ZNF146: variants seen among roughly 807,000 people sequenced by gnomAD.
ZNF146 encodes the protein zinc finger protein 146.
ZNF146 carries 9 observed loss-of-function variants against 22.2 expected under a neutral mutation model. The ratio of observed to expected loss-of-function variants is 0.41; its 90% confidence interval spans 0.24 to 0.71. The LOEUF is 0.71. Among genes scored for constraint, ZNF146 ranks in the 30% least tolerant of loss-of-function variants. The pLI is 0.34. For synonymous variants in ZNF146, 108 were observed against 119.2 expected (o/e 0.91, Z 0.61); for missense variants, 194 against 344.8 (o/e 0.56, Z 3.46).
At chr19:36,227,923 G>C (rs1022370299) in intron 2 of ZNF146, among the ~76,000 whole-genome samples, 2 of 152,172 alleles carry the variant, frequency 1.3e-5, no homozygotes, top group African/African-American at 4.8e-5. Context: ...CACTTTGGGA[G>C]GCTGAGGTGG....
intron 2 of ZNF146, among the ~76,000 whole-genome samples, chr19:36,221,284 CTTTTTTTTTTT>C (rs74172797): frequency 1.0e-5 from 1 of 98,700 alleles, no homozygotes; most frequent in Non-Finnish European, 1.9e-5. Context: ...TAAGGGACTG[CTTTTTTTTTTT>C]TTTTTTTTTT....
chr19:36,220,048 A>C (rs970502919), intron 2 of ZNF146, among the ~76,000 whole-genome samples: 6 of 152,154 alleles, frequency 3.9e-5, no homozygotes, highest in African/African-American at 1.4e-4. Flanking sequence ...TTCTTGTCTC[A>C]TTTTGGCTGA....
chr19:36,238,732 TTAATC>T lies in ZNF146; in HGVS notation c.*1416_*1420del, dbSNP rs1977739446. On this transcript the variant is annotated 3_prime_UTR_variant, in exon 4 of 4. Transcript: ENST00000443387. The stretch of plus-strand genomic sequence containing the variant: ...GACTTGCTCTCTATGTAATATGAAA[TTAATC>T]TATTTTATTAAAATTTAAAAGGACA... 1.2e-5 allele frequency: 2 copies of T among 167,094 alleles called. No individual in the cohort carries two copies. Among genetic ancestry groups the T allele is most frequent in the African/African-American group, 2.4e-5 (1 of 41,452 alleles). 10.4% of individuals were successfully genotyped at this position (167,094 alleles called of 1,614,324 possible).
At chr19:36,216,550 G>GCGGAGGCTAAGGCAGGAAAAT (rs1976613705) in intron 1 of ZNF146, among the ~76,000 whole-genome samples, 1 of 151,270 alleles carries the variant, frequency 6.6e-6, no homozygotes, top group Admixed American at 6.6e-5. Context: ...CTGAGCTACC[G>GCGGAGGCTAAGGCAGGAAAAT]CGGAGGCTGA....
intron 3 of ZNF146, among the ~76,000 whole-genome samples, chr19:36,229,390 G>A (rs7248820): frequency 0.028 from 4,230 of 152,112 alleles, 167 homozygotes; most frequent in African/African-American, 0.095. Flanking sequence ...TATGTGTGGG[G>A]GTCTATATGT....
At chr19:36,229,596 A>G (rs1265693999) in intron 3 of ZNF146, among the ~76,000 whole-genome samples, 3 of 152,224 alleles carry the variant, frequency 2.0e-5, no homozygotes, top group Admixed American at 6.5e-5. Flanking sequence ...TATTATATCT[A>G]TGCTGCAAAT....
intron 1 of ZNF146, among the ~76,000 whole-genome samples, chr19:36,217,745 G>A (rs771098950): frequency 1.3e-5 from 2 of 151,998 alleles, no homozygotes; most frequent in Non-Finnish European, 2.9e-5. Flanking sequence ...TTAGCCAGGC[G>A]TGGCGGCACA....
At chr19:36,221,608 A>G (rs928095238) in intron 2 of ZNF146, among the ~76,000 whole-genome samples, 9 of 152,170 alleles carry the variant, frequency 5.9e-5, no homozygotes, top group Admixed American at 1.3e-4. Context: ...TTTTTAAAAA[A>G]TGAATTTGAT....
Position 36,219,544 on chromosome 19 carries a change from A to G in ZNF146, c.-855+1349A>G, listed in dbSNP as rs570292957. The stretch of plus-strand genomic sequence containing the variant: ...TTCTAATTGTGATTGATTTTTGGCC[A>G]GAATACATCAGAGGTGATCTTACAT... On this transcript the variant is annotated intron_variant, in intron 2 of 3. Coordinates refer to ENST00000443387, the MANE Select transcript of ZNF146 (RefSeq NM_007145.3). 5.9e-5 allele frequency among the ~76,000 whole-genome samples: 9 copies of G among 152,312 alleles called. No individual in the cohort carries two copies. In the East Asian group the frequency reaches 1.5e-3, roughly 26 times the overall value.
chr19:36,223,635 T>C (rs1976952419), intron 2 of ZNF146, among the ~76,000 whole-genome samples: 1 of 152,056 alleles, frequency 6.6e-6, no homozygotes, highest in African/African-American at 2.4e-5. Flanking sequence ...AGTGCTGGGA[T>C]TACAGGCGTG....
chr19:36,230,794 T>G (rs1251776046), intron 3 of ZNF146, among the ~76,000 whole-genome samples: 3 of 152,152 alleles, frequency 2.0e-5, no homozygotes, highest in Middle Eastern at 3.4e-3. Flanking sequence ...GGGCCAGCCT[T>G]CCTTCCTTTT....
chr19:36,225,872 T>C (rs1400934343), intron 2 of ZNF146, among the ~76,000 whole-genome samples: 1 of 150,096 alleles, frequency 6.7e-6, no homozygotes, highest in African/African-American at 2.4e-5. Flanking sequence ...GCAGTCCTCC[T>C]GCTTCAGGCT....
At chr19:36,218,313 A>C (rs916901568) in intron 2 of ZNF146, 118 bp downstream of exon 2, 1 of 152,006 alleles carries the variant, frequency 6.6e-6, no homozygotes, top group African/African-American at 2.4e-5. Flanking sequence ...AGTTCTAAGA[A>C]TAGTCCCCAG....
intron 2 of ZNF146, among the ~76,000 whole-genome samples, chr19:36,225,600 A>G (rs1977030294): frequency 1.3e-5 from 2 of 151,290 alleles, no homozygotes. Flanking sequence ...ACAGGTGCAT[A>G]CCACCATACC....
Position 36,221,893 on chromosome 19 carries a change from G to GTATGTCC in ZNF146, c.-855+3701_-855+3707dup, listed in dbSNP as rs1976856446. On this transcript the variant is annotated intron_variant, in intron 2 of 3. Transcript: ENST00000443387. ...CTATATCTCACTTTCTTTAATAACA[G>GTATGTCC]TATGTCCTAGAGATAGCCCTTCCTT... 8.2e-5 allele frequency among the ~76,000 whole-genome samples: 12 copies of GTATGTCC among 145,848 alleles called. No homozygotes were observed. The South Asian group carries it at 2.6e-3, about 32-fold the overall frequency.
At chr19:36,215,813 C>T (rs1976578360) in intron 1 of ZNF146, among the ~76,000 whole-genome samples, 2 of 152,148 alleles carry the variant, frequency 1.3e-5, no homozygotes, top group African/African-American at 4.8e-5. Context: ...GAAGCAATCC[C>T]ATATAACGGC....
intron 1 of ZNF146, among the ~76,000 whole-genome samples, chr19:36,217,237 A>G (rs1976650124): frequency 6.6e-6 from 1 of 150,554 alleles, no homozygotes; most frequent in Admixed American, 6.6e-5. Context: ...CTTTTTTTGT[A>G]TTTTTAGTAG....
At chr19:36,214,899 C>T (rs1352136784), upstream of ZNF146, 4 of 152,760 alleles carry the variant, frequency 2.6e-5, no homozygotes, top group Non-Finnish European at 4.4e-5. Flanking sequence ...TCAAGAGCTC[C>T]ATCGTCACAG....
intron 2 of ZNF146, among the ~76,000 whole-genome samples, chr19:36,221,413 C>T (rs1323800851): frequency 2.6e-5 from 4 of 151,254 alleles, no homozygotes; most frequent in African/African-American, 9.7e-5. Context: ...CTCAGCCTCC[C>T]GAGTAGCTGG....
Sources: allele counts gnomAD v4.1 joint callset (sites outside exome capture counted in the v4.1 genomes callset), GRCh38; gene constraint gnomAD v4.1.1; transcripts MANE v1.5; gene names NCBI Gene and HGNC (gene_info 2026-07-23, HGNC 2026-07-21).